BRCA2: variants seen among roughly 807,000 people sequenced by gnomAD.
The protein encoded by BRCA2 is breast cancer type 2 susceptibility protein.
A neutral mutation model predicts 276.7 loss-of-function variants in BRCA2; 203 were observed. The ratio of observed to expected loss-of-function variants is 0.73; its 90% CI spans 0.65 to 0.82. The LOEUF (loss-of-function observed/expected upper bound fraction) is 0.82, where lower values mean the gene tolerates loss of function less well. Ranked by LOEUF, BRCA2 falls within the 40% of genes least tolerant of loss-of-function variation. The pLI, the probability that BRCA2 is intolerant of heterozygous loss-of-function variation, is 0.00. For synonymous variants in BRCA2, 1,289 were observed against 1,338.4 expected (o/e 0.96, Z 0.81); for missense variants, 3,920 against 3,915.0 (o/e 1.00, Z -0.03).
Position 32,354,948 on chromosome 13 carries a change from T to A in BRCA2, c.7095T>A (p.His2365Gln), listed in dbSNP as rs370708814. The change falls in exon 14 of 27, where the codon CAT (histidine) becomes CAA (glutamine). Residue 2365 changes from histidine to glutamine, a missense_variant. His to Gln is a conservative substitution (Grantham distance 24). Transcript: ENST00000380152. ...TGTCTAAATCTCATTTGTATGAACA[T>A]CTGACTTTGGAAAAATCTTCAAGCA... ...EFLSKSHLYE[H>Q]LTLEKSSSNL... 3 of 1,613,802 alleles carry A rather than the reference T, an allele frequency of 1.9e-6. No individual in the cohort carries two copies. Among genetic ancestry groups the A allele is most frequent in the Non-Finnish European group, 1.7e-6 (2 of 1,179,866 alleles).
In BRCA2 at chr13:32,339,310, C is replaced by T; in HGVS notation, c.4955C>T (p.Ala1652Val). The change falls in exon 11 of 27, where the codon GCA (alanine) becomes GTA (valine). Residue 1652 changes from alanine to valine, a missense_variant. Coordinates refer to ENST00000380152, the MANE Select transcript of BRCA2 (RefSeq NM_000059.4). ...GAAAAAGAAACAGCAAAAAGTCCTG[C>T]AACTTGTTACACAAATCAGTCCCCT... ...NVEKETAKSPATCYTNQSPYS... is the reference protein window; with the variant it reads ...NVEKETAKSPVTCYTNQSPYS... 1 of 1,603,120 alleles carries T rather than the reference C, an allele frequency of 6.2e-7. No individual in the cohort carries two copies.
At chr13:32,387,007 A>AT (rs1263502365) in intron 24 of BRCA2, among the ~76,000 whole-genome samples, 4 of 150,098 alleles carry the variant, frequency 2.7e-5, no homozygotes, top group Non-Finnish European at 5.9e-5. Flanking sequence ...ATTTGCTGGC[A>AT]TTTTTTGGCA....
In BRCA2 at chr13:32,316,532, T is replaced by C. The variant is rs587781738; in HGVS notation, c.67+5T>C. ...AGACACGCTGCAACAAAGCAGGTAT[T>C]GACAAATTTTATATAACTTTATAAA... On this transcript the variant is annotated splice_donor_5th_base_variant and intron_variant, in intron 2 of 26. Coordinates refer to ENST00000380152, the MANE Select transcript of BRCA2 (RefSeq NM_000059.4). 6.2e-7 allele frequency: 1 copy of C among 1,612,154 alleles called. No individual in the cohort carries two copies.
intron 15 of BRCA2, 28 bp from the exon 16 acceptor site, chr13:32,357,714 C>CTT: frequency 6.3e-7 from 1 of 1,597,242 alleles, no homozygotes; most frequent in Non-Finnish European, 8.6e-7. Flanking sequence ...AATTGTTTTT[C>CTT]TTTTTTGTGT....
In BRCA2 at chr13:32,398,469, C is replaced by A. The variant is rs778694116; in HGVS notation, c.9956C>A (p.Ser3319Tyr). ...ETPIKKKELN[S>Y]PQMTPFKKFN... ...CCCATAAAGAAAAAAGAACTGAATTCTCCTCAGATGACTCCATTTAAAAAA... is the reference window on the plus strand; with the variant it reads ...CCCATAAAGAAAAAAGAACTGAATTATCCTCAGATGACTCCATTTAAAAAA... Residue 3319 changes from serine to tyrosine, a missense_variant, in exon 27 of 27, where the codon TCT (serine) becomes TAT (tyrosine). Transcript: ENST00000380152. 3 of 1,614,150 alleles carry A rather than the reference C, an allele frequency of 1.9e-6. No homozygotes were observed. The highest frequency in any genetic ancestry group is 1.7e-5 in the Admixed American group (1 of 60,010).
At chr13:32,351,385 A>G (rs923484007) in intron 13 of BRCA2, among the ~76,000 whole-genome samples, 3 of 152,178 alleles carry the variant, frequency 2.0e-5, no homozygotes, top group Admixed American at 6.5e-5. Context: ...CCCACCAGAA[A>G]GAAGAAACTC....
chr13:32,360,748 G>A (rs892750477), intron 16 of BRCA2, among the ~76,000 whole-genome samples: 1 of 152,196 alleles, frequency 6.6e-6, no homozygotes, highest in Non-Finnish European at 1.5e-5. Flanking sequence ...AGCTATTGCA[G>A]AAATACATGT....
At chr13:32,370,792 CATGTTGGTCAGG>C (rs1345797788) in intron 19 of BRCA2, among the ~76,000 whole-genome samples, 152 bp from the exon 20 acceptor site, 1 of 152,130 alleles carries the variant, frequency 6.6e-6, no homozygotes, top group Non-Finnish European at 1.5e-5. Flanking sequence ...GGGGTTTCAT[CATGTTGGTCAGG>C]CTGATCTCGA....
At position 32,338,202 on chromosome 13, in the gene BRCA2, G is replaced by A. The variant is rs754974533; in HGVS notation, c.3847G>A (p.Val1283Ile). ...GATAGAAAATCATAATGATAAAACT[G>A]TAAGTGAAAAAAATAATAAATGCCA... ...FKIENHNDKTVSEKNNKCQLI... is the reference protein window; with the variant it reads ...FKIENHNDKTISEKNNKCQLI... Residue 1283 changes from valine to isoleucine, a missense_variant, in exon 11 of 27, where the codon GTA becomes ATA. Coordinates refer to ENST00000380152, the MANE Select transcript of BRCA2 (RefSeq NM_000059.4). 6.5e-7 allele frequency: 1 copy of A among 1,548,258 alleles called. No individual in the cohort carries two copies. The highest frequency in any genetic ancestry group is 2.3e-5 in the East Asian group (1 of 44,102).
At chr13:32,389,098 T>C (rs886541859) in intron 24 of BRCA2, among the ~76,000 whole-genome samples, 1 of 152,180 alleles carries the variant, frequency 6.6e-6, no homozygotes, top group Non-Finnish European at 1.5e-5. Flanking sequence ...CTCTAGGTGT[T>C]ACAACATACA....
chr13:32,321,832 C>T (rs2072308126), intron 3 of BRCA2, among the ~76,000 whole-genome samples: 1 of 152,188 alleles, frequency 6.6e-6, no homozygotes, highest in African/African-American at 2.4e-5. Flanking sequence ...TGCATTAAAT[C>T]ATAGGCATTT....
At chr13:32,387,853 A>C (rs2072970912) in intron 24 of BRCA2, among the ~76,000 whole-genome samples, 1 of 152,152 alleles carries the variant, frequency 6.6e-6, no homozygotes, top group Non-Finnish European at 1.5e-5. Flanking sequence ...CCTATCCTGT[A>C]ATCACGTGAA....
At chr13:32,393,642 CT>C (rs891316738) in intron 24 of BRCA2, among the ~76,000 whole-genome samples, 2 of 151,836 alleles carry the variant, frequency 1.3e-5, no homozygotes, top group Non-Finnish European at 2.9e-5. Flanking sequence ...CTCTTGGCTT[CT>C]TTTTTTTAGT....
intron 18 of BRCA2, among the ~76,000 whole-genome samples, chr13:32,366,001 A>G (rs891913127): frequency 1.3e-5 from 2 of 151,426 alleles, no homozygotes; most frequent in Non-Finnish European, 2.9e-5. Flanking sequence ...GATGGTTTTT[A>G]ATTTTTTTCT....
chr13:32,324,953 A>T, intron 3 of BRCA2, 123 bp from the exon 4 acceptor site: 1 of 706,396 alleles, frequency 1.4e-6, no homozygotes, highest in Non-Finnish European at 2.5e-6. Flanking sequence ...ACCTCTTCTT[A>T]CAACTCCCTA....
At position 32,338,048 on chromosome 13, in the gene BRCA2, T is replaced by C. The variant is rs751232859; in HGVS notation, c.3693T>C (p.Thr1231=). ...SAHGTKLNVS[T]EALQKAVKLF... ...ATGGCACAAAACTGAATGTTTCTAC[T>C]GAAGCTCTGCAAAAAGCTGTGAAAC... The change falls in exon 11 of 27, where the codon ACT becomes ACC. Residue 1231 remains threonine (T), a synonymous_variant. Transcript: ENST00000380152. 2.5e-6 allele frequency: 4 copies of C among 1,611,652 alleles called. No individual in the cohort carries two copies. The highest frequency in any genetic ancestry group is 1.7e-5 in the Admixed American group (1 of 59,674).
chr13:32,397,831 C>T (rs1016987365), intron 26 of BRCA2, among the ~76,000 whole-genome samples: 1 of 152,146 alleles, frequency 6.6e-6, no homozygotes, highest in Non-Finnish European at 1.5e-5. Context: ...CTCAAGATGG[C>T]TTTAAAATAT....
chr13:32,383,966 G>C (rs2072942370), intron 24 of BRCA2, among the ~76,000 whole-genome samples: 1 of 152,176 alleles, frequency 6.6e-6, no homozygotes, highest in African/African-American at 2.4e-5. Flanking sequence ...ACAGAGTATT[G>C]GAAGGATTGC....
Position 32,337,286 on chromosome 13 carries a change from G to C in BRCA2, c.2931G>C (p.Leu977Phe), listed in dbSNP as rs770031354. ...LGQDLKSDIS[L>F]NIDKIPEKNN... ...AAGATTTAAAATCGGACATCTCCTTGAATATAGATAAAATACCAGAAAAAA... is the reference window on the plus strand; with the variant it reads ...AAGATTTAAAATCGGACATCTCCTTCAATATAGATAAAATACCAGAAAAAA... Residue 977 changes from leucine to phenylalanine, a missense_variant, in exon 11 of 27, where the codon TTG becomes TTC. Around this residue, in one of 2 missense-constraint regions of BRCA2, gnomAD observed 3,263 missense variants for 3,156.9 expected, o/e 1.03. Coordinates refer to ENST00000380152, the MANE Select transcript of BRCA2 (RefSeq NM_000059.4). The C allele has an allele frequency of 1.2e-6, 2 of 1,612,420 alleles. No homozygotes were observed. The highest frequency in any genetic ancestry group is 1.7e-6 in the Non-Finnish European group (2 of 1,179,510).
Sources: allele counts gnomAD v4.1 joint callset (sites outside exome capture counted in the v4.1 genomes callset), GRCh38; gene constraint gnomAD v4.1.1; regional missense constraint gnomAD v4.1.1; transcripts MANE v1.5; gene names NCBI Gene and HGNC (gene_info 2026-07-23, HGNC 2026-07-21).